Variants in CCDC148 observed in about 807,000 individuals in gnomAD.
CCDC148 encodes coiled-coil domain containing 148.
In CCDC148, 89 loss-of-function variants were observed where a neutral mutation model predicts 85.7. The observed-to-expected ratio is 1.04, with a 90% CI of 0.87 to 1.24. The LOEUF is 1.24. Among genes scored for constraint, CCDC148 ranks in the 50% most tolerant of loss-of-function variants. CCDC148 has a pLI of 0.00. For synonymous variants in CCDC148, 230 were observed against 213.9 expected (o/e 1.08, Z -0.66); for missense variants, 692 against 671.7 (o/e 1.03, Z -0.33).
At chr2:158,247,643 G>A (rs79266967) in intron 10 of CCDC148, among the ~76,000 whole-genome samples, 2 of 152,176 alleles carry the variant, frequency 1.3e-5, no homozygotes, top group African/African-American at 4.8e-5. Flanking sequence ...GATCATCTGA[G>A]GTCCGGAGTT....
intron 9 of CCDC148, among the ~76,000 whole-genome samples, chr2:158,309,097 A>G (rs887334476): frequency 7.9e-5 from 12 of 152,206 alleles, no homozygotes; most frequent in African/African-American, 2.2e-4. Flanking sequence ...GAGTCTTTAG[A>G]TCAGCATTAG....
intron 9 of CCDC148, among the ~76,000 whole-genome samples, chr2:158,285,469 C>CAT (rs1295627601): frequency 6.6e-6 from 1 of 150,550 alleles, no homozygotes; most frequent in African/African-American, 2.4e-5. Flanking sequence ...TAGTAATATA[C>CAT]ATATATATAC....
intron 1 of CCDC148, among the ~76,000 whole-genome samples, chr2:158,373,493 CCT>C (rs746323580): frequency 5.9e-5 from 9 of 151,970 alleles, no homozygotes; most frequent in Non-Finnish European, 1.0e-4. Flanking sequence ...TGTGCTGTTG[CCT>C]CTCTGACCAA....
chr2:158,439,886 G>C (rs184263298), intron 1 of CCDC148, among the ~76,000 whole-genome samples: 106 of 152,110 alleles, frequency 7.0e-4, no homozygotes, highest in African/African-American at 2.4e-3. Context: ...TTTTATACAA[G>C]GTATTTCTCT....
chr2:158,377,273 G>A (rs552013782), intron 1 of CCDC148, among the ~76,000 whole-genome samples: 4 of 150,668 alleles, frequency 2.7e-5, no homozygotes, highest in African/African-American at 4.9e-5. Flanking sequence ...AGGGTGTGTC[G>A]ATGGTGTGGG....
At chr2:158,196,977 T>C (rs1685707275) in intron 11 of CCDC148, among the ~76,000 whole-genome samples, 1 of 152,196 alleles carries the variant, frequency 6.6e-6, no homozygotes, top group Admixed American at 6.6e-5. Context: ...GAATCAATAC[T>C]TGAGTCCTTA....
chr2:158,288,919 A>G (rs913124917), intron 9 of CCDC148: 5 of 270,516 alleles, frequency 1.8e-5, no homozygotes, highest in Non-Finnish European at 3.6e-5. Flanking sequence ...GGCAAAAGGC[A>G]CTTCATACAT....
At chr2:158,372,947 T>C (rs1372019392) in intron 1 of CCDC148, among the ~76,000 whole-genome samples, 2 of 152,036 alleles carry the variant, frequency 1.3e-5, no homozygotes, top group Non-Finnish European at 2.9e-5. Flanking sequence ...AAGATGTCCA[T>C]GTAGGTCGTA....
intron 3 of CCDC148, among the ~76,000 whole-genome samples, chr2:158,344,730 T>C (rs1207665715): frequency 5.3e-5 from 8 of 152,128 alleles, no homozygotes; most frequent in Admixed American, 4.6e-4. Flanking sequence ...TTAGTCATGA[T>C]GCACTTACAC....
intron 7 of CCDC148, among the ~76,000 whole-genome samples, chr2:158,327,444 GCTATAATGTCAGAATATGAT>G (rs1692837408): frequency 6.6e-6 from 1 of 152,148 alleles, no homozygotes; most frequent in African/African-American, 2.4e-5. Context: ...ACCTCAGGAA[GCTATAATGTCAGAATATGAT>G]CACATGAGCA....
At chr2:158,432,526 T>C (rs1258421350) in intron 1 of CCDC148, among the ~76,000 whole-genome samples, 1 of 152,144 alleles carries the variant, frequency 6.6e-6, no homozygotes, top group Non-Finnish European at 1.5e-5. Flanking sequence ...ATGACACAAA[T>C]AGCCAAAAAT....
chr2:158,329,486 G>T (rs7604145), intron 7 of CCDC148, among the ~76,000 whole-genome samples: 1 of 151,540 alleles, frequency 6.6e-6, no homozygotes, highest in Admixed American at 6.6e-5. Flanking sequence ...TTGACTTGGC[G>T]ATGTGGGCTC....
chr2:158,357,846 GT>G (rs1197387325), intron 2 of CCDC148, among the ~76,000 whole-genome samples: 3 of 152,092 alleles, frequency 2.0e-5, no homozygotes, highest in Admixed American at 1.3e-4. Flanking sequence ...CACCTAACCT[GT>G]TTTTTGATGC....
At chr2:158,365,947 G>T in intron 1 of CCDC148, 1 of 1,118,220 alleles carries the variant, frequency 8.9e-7, no homozygotes, top group Non-Finnish European at 1.3e-6. Flanking sequence ...CATTCCAATT[G>T]TGTATCATTT....
intron 10 of CCDC148, among the ~76,000 whole-genome samples, chr2:158,231,087 G>C (rs1687835456): frequency 1.3e-5 from 2 of 152,130 alleles, no homozygotes; most frequent in Admixed American, 6.6e-5. Flanking sequence ...AGGCACAGAT[G>C]GGTGGCTTAG....
intron 9 of CCDC148, among the ~76,000 whole-genome samples, chr2:158,278,738 A>C (rs1336917900): frequency 2.0e-5 from 3 of 152,272 alleles, no homozygotes; most frequent in South Asian, 2.1e-4. Flanking sequence ...CCTCTGCAGA[A>C]TTAAATGTCC....
chr2:158,287,616 A>T (rs1331117868), intron 9 of CCDC148, among the ~76,000 whole-genome samples: 5 of 152,232 alleles, frequency 3.3e-5, no homozygotes, highest in Non-Finnish European at 7.3e-5. Context: ...AATCCCGGTC[A>T]CACTGATGCA....
chr2:158,331,084 C>A (rs542055559), intron 7 of CCDC148, among the ~76,000 whole-genome samples: 1 of 152,244 alleles, frequency 6.6e-6, no homozygotes, highest in South Asian at 2.1e-4. Context: ...TTCTCGAGTT[C>A]TTTTAATTGT....
At chr2:158,276,424 A>G (rs1018107132) in intron 9 of CCDC148, among the ~76,000 whole-genome samples, 7 of 151,998 alleles carry the variant, frequency 4.6e-5, no homozygotes, top group African/African-American at 1.7e-4. Context: ...ACAAAGTGAG[A>G]CTCGGTCTCA....
Sources: gnomAD v4.1 joint callset for allele counts (sites outside exome capture counted in the v4.1 genomes callset) on GRCh38, gnomAD v4.1.1 for gene constraint, MANE v1.5 for transcripts, NCBI Gene and HGNC (gene_info 2026-07-23, HGNC 2026-07-21) for gene names.